NAV3: variants seen among roughly 807,000 people sequenced by gnomAD.
NAV3 encodes pore membrane and/or filament interacting like protein 1.
Under a neutral mutation model 244.7 loss-of-function variants are expected in NAV3, and 87 were observed. That is an observed-to-expected ratio of 0.36 (90% CI 0.30 to 0.42). The LOEUF (loss-of-function observed/expected upper bound fraction) is 0.42. NAV3 is among the 20% of genes least tolerant of loss of function. The probability of loss-of-function intolerance (pLI) is 1.00; values close to 1 mark genes in which losing one functional copy is unlikely to be tolerated. For missense variants in NAV3, 2,663 were observed against 2,893.3 expected, an observed-to-expected ratio of 0.92 and a Z score of 1.83; for synonymous variants, 1,126 against 1,042.2, an observed-to-expected ratio of 1.08 and a Z score of -1.55.
At chr12:77,900,861 C>G (rs74540330) in intron 1 of NAV3, among the ~76,000 whole-genome samples, 1 of 152,094 alleles carries the variant, frequency 6.6e-6, no homozygotes, top group Non-Finnish European at 1.5e-5. Flanking sequence ...AATGTATAAG[C>G]ATTCCCTTTT....
chr12:77,769,520 A>T (rs1166318992), intron 2 of NAV3, among the ~76,000 whole-genome samples: 1 of 152,208 alleles, frequency 6.6e-6, no homozygotes, highest in African/African-American at 2.4e-5. Context: ...CTTTCTCTAT[A>T]CATTTTTTTA....
At chr12:78,033,236 C>T (rs1459446283) in intron 9 of NAV3, among the ~76,000 whole-genome samples, 1 of 142,736 alleles carries the variant, frequency 7.0e-6, no homozygotes, top group African/African-American at 2.9e-5. Flanking sequence ...ACTGAAATTG[C>T]CCTTTTTTTT....
chr12:77,942,521 T>A (rs1272942905), intron 3 of NAV3, among the ~76,000 whole-genome samples: 1 of 152,192 alleles, frequency 6.6e-6, no homozygotes, highest in Non-Finnish European at 1.5e-5. Context: ...TTCTATACAA[T>A]CCTTCAGTTT....
At chr12:78,067,893 G>T (rs1330819133) in intron 12 of NAV3, among the ~76,000 whole-genome samples, 2 of 151,884 alleles carry the variant, frequency 1.3e-5, no homozygotes, top group Non-Finnish European at 2.9e-5. Context: ...TATCTTATCT[G>T]CTTATAATAG....
chr12:78,095,088 C>CAT lies in NAV3; in HGVS notation c.2637-21674_2637-21673dup, dbSNP rs550514901. Among the ~76,000 whole-genome samples, 754 of 133,444 alleles carry CAT rather than the reference C, an allele frequency of 5.7e-3. 15 individuals are homozygous for CAT. Among genetic ancestry groups the CAT allele is most frequent in the Admixed American group, 0.016 (210 of 13,096 alleles). The allele number at this position is 133,444 out of a possible 152,430, so 87.5% of individuals were successfully genotyped here. Reference sequence around the variant, plus strand: ...ATACACACACACACACACACACACACATATATATATACACATATATATATA... The same window carrying CAT: ...ATACACACACACACACACACACACACATATATATATATACACATATATATATA... On this transcript the variant is annotated intron_variant, in intron 12 of 39. Coordinates refer to ENST00000397909, the MANE Select transcript of NAV3 (RefSeq NM_001024383.2).
At chr12:77,771,394 C>G (rs1870076851) in intron 2 of NAV3, among the ~76,000 whole-genome samples, 1 of 152,268 alleles carries the variant, frequency 6.6e-6, no homozygotes, top group Non-Finnish European at 1.5e-5. Flanking sequence ...TACCATTTGA[C>G]CCAGCCATCC....
chr12:78,071,141 A>G (rs1293596847), intron 12 of NAV3, among the ~76,000 whole-genome samples: 2 of 152,146 alleles, frequency 1.3e-5, no homozygotes, highest in Admixed American at 1.3e-4. Flanking sequence ...GACTTCCACA[A>G]TGGTTGAACT....
intron 21 of NAV3, among the ~76,000 whole-genome samples, chr12:78,147,842 A>G (rs569118874): frequency 6.6e-6 from 1 of 152,194 alleles, no homozygotes; most frequent in East Asian, 1.9e-4. Flanking sequence ...ACTATAGATA[A>G]GATTTGTTTT....
At chr12:77,937,456 T>C (rs1439028084) in intron 1 of NAV3, among the ~76,000 whole-genome samples, 1 of 152,228 alleles carries the variant, frequency 6.6e-6, no homozygotes, top group Non-Finnish European at 1.5e-5. Context: ...AATGAAAGTA[T>C]TCTTATTTTC....
intron 12 of NAV3, among the ~76,000 whole-genome samples, chr12:78,076,444 T>C (rs1426752286): frequency 6.6e-6 from 1 of 152,184 alleles, no homozygotes; most frequent in African/African-American, 2.4e-5. Context: ...CAGAAACCTA[T>C]GACATACCCA....
At chr12:77,574,914 A>T (rs1592465520) in intron 2 of NAV3, among the ~76,000 whole-genome samples, 2 of 152,060 alleles carry the variant, frequency 1.3e-5, no homozygotes, top group South Asian at 4.1e-4. Flanking sequence ...ATCATATGTC[A>T]GGAACATGCA....
rs182905801 is a variant in NAV3, at chr12:77,832,761, T to G, written c.243+1057T>G. On this transcript the variant is annotated intron_variant, in intron 1 of 39. Coordinates refer to ENST00000397909, the MANE Select transcript of NAV3 (RefSeq NM_001024383.2). ...AATGTATTTTTGTACTCATTAACGA[T>G]CCACACTCCCCCTACCCCTCGCCAC... is the stretch of plus-strand genomic sequence containing the variant. Among the ~76,000 whole-genome samples, 407 of 152,210 alleles carry G rather than the reference T, an allele frequency of 2.7e-3. 5 individuals are homozygous for G. Among genetic ancestry groups the G allele is most frequent in the South Asian group, 1.5e-3 (7 of 4,816 alleles).
At chr12:77,989,381 A>G (rs1053167659) in intron 5 of NAV3, among the ~76,000 whole-genome samples, 4 of 152,192 alleles carry the variant, frequency 2.6e-5, no homozygotes, top group Non-Finnish European at 5.9e-5. Context: ...TATTTCATAA[A>G]CATTAGGTAT....
At chr12:77,976,814 G>A (rs1868526224) in intron 5 of NAV3, among the ~76,000 whole-genome samples, 1 of 151,562 alleles carries the variant, frequency 6.6e-6, no homozygotes, top group African/African-American at 2.4e-5. Flanking sequence ...GAGTAGCTGG[G>A]ACTACAGGCA....
intron 5 of NAV3, among the ~76,000 whole-genome samples, chr12:77,977,541 C>A (rs999504092): frequency 6.6e-6 from 1 of 152,078 alleles, no homozygotes. Context: ...AATTTCCAAT[C>A]TCTGTTATCG....
intron 1 of NAV3, among the ~76,000 whole-genome samples, chr12:77,892,422 T>TC (rs1484489691): frequency 6.6e-6 from 1 of 152,096 alleles, no homozygotes; most frequent in Non-Finnish European, 1.5e-5. Flanking sequence ...ATTTGAATTT[T>TC]TTTTTTTTTT....
chr12:77,776,768 G>T (rs903976268), intron 2 of NAV3, among the ~76,000 whole-genome samples: 4 of 152,170 alleles, frequency 2.6e-5, no homozygotes, highest in African/African-American at 7.2e-5. Context: ...GTCACCAGAG[G>T]TTGGGAGTTT....
intron 2 of NAV3, among the ~76,000 whole-genome samples, chr12:77,680,998 C>A (rs939375942): frequency 6.6e-6 from 1 of 152,110 alleles, no homozygotes; most frequent in Non-Finnish European, 1.5e-5. Flanking sequence ...GGAAGTCATT[C>A]TTTGTTAGAT....
At chr12:77,916,943 T>C (rs1221951281) in intron 1 of NAV3, among the ~76,000 whole-genome samples, 1 of 151,954 alleles carries the variant, frequency 6.6e-6, no homozygotes, top group Non-Finnish European at 1.5e-5. Flanking sequence ...CAAAATTCAG[T>C]TTCTTCTCTG....
Sources: gnomAD v4.1 joint callset for allele counts (sites outside exome capture counted in the v4.1 genomes callset) on GRCh38, gnomAD v4.1.1 for gene constraint, MANE v1.5 for transcripts, NCBI Gene and HGNC (gene_info 2026-07-23, HGNC 2026-07-21) for gene names.